Variants in CREBZF observed in about 807,000 individuals in gnomAD.
CREBZF encodes the protein HCF-binding transcription factor Zhangfei.
CREBZF carries 8 observed loss-of-function variants against 21.1 expected under a neutral mutation model. The ratio of observed to expected loss-of-function variants is 0.38; its 90% CI spans 0.22 to 0.68. The LOEUF (loss-of-function observed/expected upper bound fraction) is 0.68, where lower values mean the gene tolerates loss of function less well. Among genes scored for constraint, CREBZF ranks in the 30% least tolerant of loss-of-function variants. The pLI is 0.51. For missense variants in CREBZF, 518 were observed against 484.3 expected, an observed-to-expected ratio of 1.07 and a Z score of -0.65; for synonymous variants, 270 against 223.3, an observed-to-expected ratio of 1.21 and a Z score of -1.86.
intron 1 of CREBZF, among the ~76,000 whole-genome samples, chr11:85,678,772 C>T (rs1216098488): frequency 6.6e-6 from 1 of 152,202 alleles, no homozygotes; most frequent in Non-Finnish European, 1.5e-5. Flanking sequence ...TTTCTGGGTA[C>T]CTCTTCACCC....
At position 85,660,577 on chromosome 11, in the gene CREBZF, G is replaced by A. The variant is rs574259276; in HGVS notation, c.*3234C>T. On this transcript the variant is annotated 3_prime_UTR_variant, in exon 1 of 1. Coordinates refer to ENST00000527447, the MANE Select transcript of CREBZF (RefSeq NM_001039618.4). ...GTTAACAGGTTGTAGGAAAAGATTCGTTTTTGCAGACACTGCTAAGCTGTT... is the reference window on the plus strand; with the variant it reads ...GTTAACAGGTTGTAGGAAAAGATTCATTTTTGCAGACACTGCTAAGCTGTT... The A allele has an allele frequency of 1.1e-5, 5 of 455,108 alleles. No homozygotes were observed. The highest frequency in any genetic ancestry group is 3.3e-4 in the Middle Eastern group (1 of 3,072). 28.2% of individuals were successfully genotyped at this position (455,108 alleles called of 1,614,324 possible).
chr11:85,671,739 G>A (rs2082912964), intron 1 of CREBZF, among the ~76,000 whole-genome samples: 1 of 152,232 alleles, frequency 6.6e-6, no homozygotes, highest in East Asian at 1.9e-4. Context: ...ATAAGAGGTG[G>A]GTTCCCACGG....
Position 85,664,536 on chromosome 11 carries a change from TG to T in CREBZF, c.339del (p.Arg114GlyfsTer54). 1.2e-6 allele frequency: 2 copies of T among 1,613,730 alleles called. No homozygotes were observed. The highest frequency in any genetic ancestry group is 1.7e-6 in the Non-Finnish European group (2 of 1,179,948). Reference protein sequence around the residue: ...SGLELADLLDPRQPDWHLDPG... With the variant: ...SGLELADLLDXRQPDWHLDPG... ...GGGTCCAGGTGCCAGTCCGGTTGCC[TG>T]GGGTCCAGGAGATCCGCCAGTTCCA... On this transcript the variant is annotated frameshift_variant, in exon 1 of 1. Transcript: ENST00000527447. LOFTEE classifies it high-confidence loss of function. This position sits in a 1 kb window ranked among gnomAD's most constrained non-coding sequence, Gnocchi z 5.5.
At chr11:85,676,740 T>C (rs2082944800) in intron 1 of CREBZF, among the ~76,000 whole-genome samples, 1 of 150,442 alleles carries the variant, frequency 6.6e-6, no homozygotes, top group African/African-American at 2.4e-5. Flanking sequence ...TGGGCTCAGG[T>C]GGTCCTCCTA....
upstream of CREBZF, among the ~76,000 whole-genome samples, chr11:85,668,993 C>T (rs922565009): frequency 4.3e-5 from 2 of 46,542 alleles, no homozygotes; most frequent in Non-Finnish European, 9.0e-5. Context: ...CAGAGCGAGA[C>T]TCCGTCTCAA....
chr11:85,670,896 T>C (rs141131827), intron 1 of CREBZF, among the ~76,000 whole-genome samples: 165 of 152,324 alleles, frequency 1.1e-3, no homozygotes, highest in African/African-American at 3.8e-3. Flanking sequence ...AAAATTAGCT[T>C]ATTAGGGTGG....
At chr11:85,669,078 TAAC>T (rs1234019850), upstream of CREBZF, among the ~76,000 whole-genome samples, 3 of 140,758 alleles carry the variant, frequency 2.1e-5, no homozygotes, top group African/African-American at 5.2e-5. Context: ...ATGGAGATTT[TAAC>T]AACATGAATG....
At chr11:85,674,365 A>C (rs1383476449) in intron 1 of CREBZF, among the ~76,000 whole-genome samples, 1 of 152,230 alleles carries the variant, frequency 6.6e-6, no homozygotes, top group African/African-American at 2.4e-5. Flanking sequence ...AACATTTGGA[A>C]AGGAATCTTT....
chr11:85,668,772 G>A (rs966986572), upstream of CREBZF, among the ~76,000 whole-genome samples: 2 of 151,594 alleles, frequency 1.3e-5, no homozygotes, highest in Non-Finnish European at 2.9e-5. Flanking sequence ...GGAGGCCGAG[G>A]CGGGCGGATC....
upstream of CREBZF, among the ~76,000 whole-genome samples, chr11:85,667,112 C>A (rs1443125291): frequency 1.3e-5 from 2 of 152,166 alleles, no homozygotes; most frequent in African/African-American, 4.8e-5. Context: ...GTAATCCTAC[C>A]ACTTTGGGAG....
In CREBZF at chr11:85,662,691, C is replaced by T. The variant is rs1437950314; in HGVS notation, c.*1120G>A. 1 of 371,792 alleles carries T rather than the reference C, an allele frequency of 2.7e-6. No homozygotes were observed. The highest frequency in any genetic ancestry group is 1.1e-4 in the South Asian group (1 of 9,522). 23.0% of individuals were successfully genotyped at this position (371,792 alleles called of 1,614,324 possible). On this transcript the variant is annotated 3_prime_UTR_variant, in exon 1 of 1. Transcript: ENST00000527447. The stretch of plus-strand genomic sequence containing the variant: ...AAATTATTTTAAAATAGGACAAATA[C>T]TTTTGAAACACAGAGAATAAGATTC...
upstream of CREBZF, among the ~76,000 whole-genome samples, chr11:85,666,860 T>C (rs534047260): frequency 8.5e-5 from 13 of 152,256 alleles, no homozygotes; most frequent in African/African-American, 3.1e-4. Context: ...ATAAAAGGAC[T>C]CCTTGTCCTG....
rs2082740355 is a variant in CREBZF at position 85,663,326 on chromosome 11, A to G, written c.*485T>C. The G allele has an allele frequency of 3.3e-6, 2 of 602,566 alleles. No individual in the cohort carries two copies. Among genetic ancestry groups the G allele is most frequent in the African/African-American group, 3.7e-5 (2 of 53,792 alleles). The allele number at this position is 602,566 out of a possible 1,614,324, so 37.3% of individuals were successfully genotyped here. A position where few individuals can be genotyped will look rare whatever the true frequency, so the allele number is the denominator to read the frequency against. On this transcript the variant is annotated 3_prime_UTR_variant, in exon 1 of 1. Coordinates refer to ENST00000527447, the MANE Select transcript of CREBZF (RefSeq NM_001039618.4). ...AGGGGACACATTAATAGCTATTTCA[A>G]CCAGAAGAGGCATCTTAAATACATT...
intron 1 of CREBZF, among the ~76,000 whole-genome samples, chr11:85,677,740 T>C (rs1376331893): frequency 1.3e-5 from 2 of 152,230 alleles, no homozygotes; most frequent in African/African-American, 2.4e-5. Flanking sequence ...TTTTTAGTGA[T>C]GCTAAGATTG....
chr11:85,660,458 G>T lies in CREBZF; in HGVS notation c.*3353C>A. 2.6e-6 allele frequency: 1 copy of T among 381,136 alleles called. No individual in the cohort carries two copies. Among genetic ancestry groups the T allele is most frequent in the Non-Finnish European group, 5.1e-6 (1 of 196,376 alleles). 23.6% of individuals were successfully genotyped at this position (381,136 alleles called of 1,614,324 possible). ...AGTGAAATCAGTATAGAAGTAATTT[G>T]GGAACTTGAAAATGGCATTCATTTT... On this transcript the variant is annotated 3_prime_UTR_variant, in exon 1 of 1. Coordinates refer to ENST00000527447, the MANE Select transcript of CREBZF (RefSeq NM_001039618.4).
At position 85,661,337 on chromosome 11, in the gene CREBZF, AT is replaced by A. The variant is rs2082673087; in HGVS notation, c.*2473del. 1 of 152,512 alleles carries A rather than the reference AT, an allele frequency of 6.6e-6. No homozygotes were observed. The highest frequency in any genetic ancestry group is 1.5e-5 in the Non-Finnish European group (1 of 67,982). The allele number at this position is 152,512 out of a possible 1,614,324, so 9.4% of individuals were successfully genotyped here. On this transcript the variant is annotated 3_prime_UTR_variant, in exon 1 of 1. Transcript: ENST00000527447. Reference sequence around the variant, plus strand: ...AGTCACCAAAACTAGAAAAAAAAAAATGAAATGGAAACTGAGAAAAGACAGT... The same window carrying A: ...AGTCACCAAAACTAGAAAAAAAAAAAGAAATGGAAACTGAGAAAAGACAGT...
chr11:85,680,510 G>C (rs1379381905), intron 1 of CREBZF, among the ~76,000 whole-genome samples: 3 of 152,218 alleles, frequency 2.0e-5, no homozygotes, highest in East Asian at 1.9e-4. Flanking sequence ...TGGGGAGTAA[G>C]GGTGTTGTGA....
chr11:85,666,150 C>T (rs544651224), upstream of CREBZF, among the ~76,000 whole-genome samples: 2 of 152,294 alleles, frequency 1.3e-5, no homozygotes, highest in African/African-American at 4.8e-5. Flanking sequence ...GCTCCATTCT[C>T]AAAACATGTC....
chr11:85,666,102 CACAT>C (rs1339261171), upstream of CREBZF, among the ~76,000 whole-genome samples: 1 of 152,168 alleles, frequency 6.6e-6, no homozygotes, highest in Non-Finnish European at 1.5e-5. Flanking sequence ...CCTGAATACA[CACAT>C]AGTTTACTAT....
Sources: gnomAD v4.1 joint callset for allele counts (sites outside exome capture counted in the v4.1 genomes callset) on GRCh38, gnomAD v4.1.1 for gene constraint, Gnocchi (gnomAD v3.1) non-coding constraint, MANE v1.5 for transcripts, NCBI Gene and HGNC (gene_info 2026-07-23, HGNC 2026-07-21) for gene names.